The following RNF216 variants were observed in gnomAD, a reference collection of about 807,000 sequenced individuals.
RNF216 encodes ring finger protein 216.
Under a neutral mutation model 110.8 loss-of-function variants are expected in RNF216, and 72 were observed. The ratio of observed to expected loss-of-function variants is 0.65; its 90% CI spans 0.54 to 0.79. The LOEUF is 0.79. Ranked by LOEUF, RNF216 falls within the 30% of genes least tolerant of loss-of-function variation. The probability of loss-of-function intolerance (pLI) is 0.00; values close to 1 mark genes in which losing one functional copy is unlikely to be tolerated. For missense variants in RNF216, 1,342 were observed against 1,141.2 expected (o/e 1.18, Z -2.54); for synonymous variants, 495 against 407.5 (o/e 1.21, Z -2.59).
At chr7:5,722,459 G>T (rs547498585) in intron 8 of RNF216, among the ~76,000 whole-genome samples, 1 of 149,816 alleles carries the variant, frequency 6.7e-6, no homozygotes, top group Non-Finnish European at 1.5e-5. Flanking sequence ...GTGCGATCTC[G>T]GCTCACTGTC....
intron 7 of RNF216, among the ~76,000 whole-genome samples, chr7:5,728,708 A>G (rs1408450356): frequency 4.6e-5 from 7 of 152,222 alleles, no homozygotes; most frequent in African/African-American, 1.4e-4. Flanking sequence ...AACCACTACG[A>G]TAACTCCACG....
chr7:5,623,931 A>AGGGGGTG, intron 16 of RNF216, 125 bp downstream of exon 16: 1 of 758,588 alleles, frequency 1.3e-6, no homozygotes, highest in Non-Finnish European at 2.1e-6. Context: ...GTCTATAGCC[A>AGGGGGTG]CCTGAGGGAC....
rs750392492 is a variant in RNF216, at chr7:5,712,732, G to A, written c.1965C>T (p.Tyr655=). The A allele has an allele frequency of 1.2e-5, 19 of 1,613,952 alleles. No homozygotes were observed. Among genetic ancestry groups the A allele is most frequent in the Admixed American group, 3.3e-5 (2 of 59,990 alleles). ...GAACGAACCTGACAAGCTCGTCGGC[G>A]TAGGCTGCCGCAACCTCCTCCTCGG... The part of the protein sequence containing the change: ...RKAEEEVAAA[Y]ADELVRCPSC... Residue 655 remains tyrosine, a synonymous_variant, in exon 12 of 17, where the codon TAC becomes TAT. Transcript: ENST00000389902.
Position 5,735,327 on chromosome 7 carries a change from AC to A in RNF216, c.1121+3948del, listed in dbSNP as rs1465543893. Among the ~76,000 whole-genome samples, 3 of 152,206 alleles carry A rather than the reference AC, an allele frequency of 2.0e-5. No homozygotes were observed. The East Asian group carries it at 5.8e-4, about 29-fold the overall frequency. On this transcript the variant is annotated intron_variant, in intron 5 of 16. Transcript: ENST00000389902. ...GCTTAGAGTCAAATTTAGAAAATAC[AC>A]AAGAAAACTAGGCACCATGGGAGCC...
intron 13 of RNF216, among the ~76,000 whole-genome samples, chr7:5,661,125 A>G (rs1181335779): frequency 2.0e-5 from 3 of 151,036 alleles, no homozygotes; most frequent in South Asian, 2.1e-4. Context: ...TTTTTAGTAA[A>G]GACAGGGTTT....
At chr7:5,634,816 C>T (rs887091893) in intron 15 of RNF216, among the ~76,000 whole-genome samples, 5 of 152,256 alleles carry the variant, frequency 3.3e-5, no homozygotes, top group Non-Finnish European at 5.9e-5. Context: ...GCCGTGTGTA[C>T]TGGACTGTGC....
chr7:5,721,578 G>A (rs1481019061), intron 8 of RNF216, among the ~76,000 whole-genome samples: 3 of 152,174 alleles, frequency 2.0e-5, no homozygotes, highest in Non-Finnish European at 4.4e-5. Context: ...TAGATCATGG[G>A]ATAGGCTTAC....
chr7:5,732,277 G>A (rs549584703), intron 5 of RNF216, among the ~76,000 whole-genome samples: 11 of 152,296 alleles, frequency 7.2e-5, no homozygotes, highest in African/African-American at 2.6e-4. Flanking sequence ...AATCGCGTCT[G>A]TAGGGAAAGG....
chr7:5,715,059 A>T lies in RNF216; in HGVS notation c.1827T>A (p.Ser609=). The change falls in exon 11 of 17, where the codon TCT becomes TCA. Residue 609 remains serine (S), a synonymous_variant. Coordinates refer to ENST00000389902, the MANE Select transcript of RNF216 (RefSeq NM_207111.4). ...CATATTACACAGTTCTTACCTTTCC[A>T]GATCCAAAGACTGCCTCTTGGGCAT... ...IRYAQEAVFG[S]GKLELSCMEG... is the part of the protein sequence containing the mutation. 1 of 1,612,652 alleles carries T rather than the reference A, an allele frequency of 6.2e-7. No individual in the cohort carries two copies.
intron 1 of RNF216, chr7:5,775,058 T>C (rs12538870): frequency 0.35 from 53,030 of 152,070 alleles, 10,708 homozygotes; most frequent in East Asian, 0.76. Context: ...TTTTCTTACT[T>C]ATAGTTGTAT....
intron 13 of RNF216, among the ~76,000 whole-genome samples, chr7:5,665,589 G>A (rs567065393): frequency 6.6e-5 from 10 of 152,212 alleles, no homozygotes; most frequent in African/African-American, 2.4e-5. Flanking sequence ...ACAAGGCACC[G>A]AGACACCAGC....
At chr7:5,731,068 TTATG>T (rs1294026046) in intron 5 of RNF216, among the ~76,000 whole-genome samples, 2 of 152,208 alleles carry the variant, frequency 1.3e-5, no homozygotes, top group Non-Finnish European at 2.9e-5. Context: ...CCTCTGAAGT[TTATG>T]TATCAATTGG....
intron 3 of RNF216, among the ~76,000 whole-genome samples, chr7:5,749,534 T>A (rs1176828968): frequency 6.6e-6 from 1 of 152,164 alleles, no homozygotes; most frequent in Non-Finnish European, 1.5e-5. Flanking sequence ...TCAGTCATAA[T>A]TTTGGTTCAG....
At chr7:5,650,499 C>T (rs1228190353) in intron 14 of RNF216, among the ~76,000 whole-genome samples, 1 of 152,072 alleles carries the variant, frequency 6.6e-6, no homozygotes, top group Non-Finnish European at 1.5e-5. Flanking sequence ...CTCCTGGAGG[C>T]CTGAGGAGAG....
chr7:5,741,908 A>G, intron 3 of RNF216, 93 bp from the exon 4 acceptor site: 1 of 1,350,992 alleles, frequency 7.4e-7, no homozygotes, highest in East Asian at 2.4e-5. Flanking sequence ...AGGACAGGAA[A>G]GAAACAAAAA....
intron 3 of RNF216, among the ~76,000 whole-genome samples, chr7:5,751,476 G>C (rs1027928637): frequency 1.3e-5 from 2 of 152,120 alleles, no homozygotes; most frequent in African/African-American, 4.8e-5. Flanking sequence ...AAGTTCATTT[G>C]ATCTTCCTAG....
intron 13 of RNF216, among the ~76,000 whole-genome samples, chr7:5,656,879 A>G (rs1238164344): frequency 1.3e-5 from 2 of 152,176 alleles, no homozygotes; most frequent in Non-Finnish European, 2.9e-5. Context: ...ACCAGTAGAC[A>G]AATGTATCCG....
At chr7:5,670,038 T>C (rs1328847142) in intron 13 of RNF216, among the ~76,000 whole-genome samples, 2 of 152,044 alleles carry the variant, frequency 1.3e-5, no homozygotes, top group Non-Finnish European at 2.9e-5. Context: ...GCAATTCTCC[T>C]GTCTCAGCCT....
intron 13 of RNF216, among the ~76,000 whole-genome samples, chr7:5,655,589 G>T (rs886638229): frequency 6.6e-6 from 1 of 151,654 alleles, no homozygotes; most frequent in Non-Finnish European, 1.5e-5. Context: ...CTGGGCAACA[G>T]AGCAAGACTC....
Sources: gnomAD v4.1 joint callset for allele counts (sites outside exome capture counted in the v4.1 genomes callset) on GRCh38, gnomAD v4.1.1 for gene constraint, MANE v1.5 for transcripts, NCBI Gene and HGNC (gene_info 2026-07-23, HGNC 2026-07-21) for gene names.